Variants in AUH observed in about 807,000 individuals in gnomAD.
AUH encodes the protein methylglutaconyl-CoA hydratase, mitochondrial.
In AUH, 29 loss-of-function variants were observed where a neutral mutation model predicts 42.3. That is an observed-to-expected ratio of 0.69 (90% CI 0.51 to 0.93). The LOEUF (loss-of-function observed/expected upper bound fraction) is 0.93. AUH is among the 40% of genes least tolerant of loss of function. The pLI is 0.00. For missense variants in AUH, 452 were observed against 438.1 expected (o/e 1.03, Z -0.28); for synonymous variants, 174 against 166.4 (o/e 1.05, Z -0.35).
chr9:91,357,407 G>T, intron 1 of AUH: 1 of 766,586 alleles, frequency 1.3e-6, no homozygotes, highest in Non-Finnish European at 1.6e-6. Flanking sequence ...CACTGTTCAA[G>T]CTTCAGTTTC....
In AUH at chr9:91,354,198, C is replaced by T. The variant is rs369584763; in HGVS notation, c.418+1685G>A. Among the ~76,000 whole-genome samples, 23 of 151,998 alleles carry T rather than the reference C, an allele frequency of 1.5e-4. No individual in the cohort carries two copies. In the East Asian group the frequency reaches 3.1e-3, roughly 20 times the overall value. ...AAAAAAACAAGAAAGGAAAACCTTT[C>T]GGAGAAATCTGAAAGAACAGTTCCA... On this transcript the variant is annotated intron_variant, in intron 3 of 9. Transcript: ENST00000375731.
chr9:91,319,849 C>T (rs1829435113), intron 4 of AUH, among the ~76,000 whole-genome samples: 1 of 152,214 alleles, frequency 6.6e-6, no homozygotes, highest in Non-Finnish European at 1.5e-5. Context: ...AAAGGTCAAA[C>T]GGTGCGCCTG....
intron 4 of AUH, among the ~76,000 whole-genome samples, chr9:91,304,963 T>G (rs1449814536): frequency 6.6e-6 from 1 of 152,224 alleles, no homozygotes; most frequent in Non-Finnish European, 1.5e-5. Context: ...CAACTGCAGT[T>G]TGAAAATATT....
At chr9:91,253,147 A>G (rs1829226707) in intron 6 of AUH, among the ~76,000 whole-genome samples, 1 of 152,228 alleles carries the variant, frequency 6.6e-6, no homozygotes, top group African/African-American at 2.4e-5. Context: ...CCTAATAAAC[A>G]TTGCAACCTC....
chr9:91,317,609 T>C (rs1490535065), intron 4 of AUH, among the ~76,000 whole-genome samples: 3 of 151,672 alleles, frequency 2.0e-5, no homozygotes, highest in Admixed American at 2.0e-4. Flanking sequence ...AGAAGGACTC[T>C]GTTATTTCTT....
chr9:91,232,254 G>A (rs1244272679), intron 6 of AUH, among the ~76,000 whole-genome samples: 3 of 152,050 alleles, frequency 2.0e-5, no homozygotes, highest in Non-Finnish European at 4.4e-5. Context: ...GCCAGGCATC[G>A]CATGCTGACT....
At chr9:91,235,338 G>A (rs1743845754) in intron 6 of AUH, among the ~76,000 whole-genome samples, 2 of 152,132 alleles carry the variant, frequency 1.3e-5, no homozygotes, top group Non-Finnish European at 2.9e-5. Context: ...AGTGTTGTCT[G>A]AAATGCTAGT....
At chr9:91,230,198 C>G (rs926526241) in intron 6 of AUH, among the ~76,000 whole-genome samples, 6 of 152,210 alleles carry the variant, frequency 3.9e-5, no homozygotes, top group African/African-American at 1.4e-4. Flanking sequence ...GTACACCAAT[C>G]AGACGTAGAT....
intron 3 of AUH, among the ~76,000 whole-genome samples, chr9:91,333,846 CAACATT>C (rs1268667393): frequency 6.6e-6 from 1 of 152,128 alleles, no homozygotes; most frequent in Non-Finnish European, 1.5e-5. Context: ...CTGAAATTCT[CAACATT>C]AATATTTTAA....
chr9:91,218,276 T>C (rs56049491), intron 7 of AUH, among the ~76,000 whole-genome samples: 1 of 152,198 alleles, frequency 6.6e-6, no homozygotes, highest in Admixed American at 6.5e-5. Context: ...AAGGCCACAA[T>C]TTCCAAGGCT....
intron 3 of AUH, among the ~76,000 whole-genome samples, chr9:91,345,271 G>A (rs570642758): frequency 6.6e-6 from 1 of 152,046 alleles, no homozygotes; most frequent in Non-Finnish European, 1.5e-5. Context: ...ATTCACAAAT[G>A]ACTTGACTAC....
chr9:91,344,368 C>T (rs1208416242), intron 3 of AUH, among the ~76,000 whole-genome samples: 6 of 152,070 alleles, frequency 3.9e-5, no homozygotes, highest in Admixed American at 6.5e-5. Flanking sequence ...ACTGAACCAA[C>T]GTACATCTTA....
intron 6 of AUH, among the ~76,000 whole-genome samples, chr9:91,287,973 T>C (rs1371847940): frequency 5.3e-5 from 8 of 152,002 alleles, no homozygotes; most frequent in South Asian, 2.1e-4. Flanking sequence ...ATGGAAGGAA[T>C]AGATCTTTGT....
intron 4 of AUH, among the ~76,000 whole-genome samples, chr9:91,318,942 T>C (rs1220418360): frequency 6.6e-6 from 1 of 152,224 alleles, no homozygotes; most frequent in Non-Finnish European, 1.5e-5. Flanking sequence ...GGCTTCTTTC[T>C]ACAAGCGGCG....
chr9:91,288,219 G>T (rs1309965656), intron 6 of AUH, among the ~76,000 whole-genome samples: 1 of 152,016 alleles, frequency 6.6e-6, no homozygotes, highest in African/African-American at 2.4e-5. Context: ...CAAAGAGCGG[G>T]AATTAGAAAA....
intron 6 of AUH, among the ~76,000 whole-genome samples, chr9:91,292,830 T>G (rs140264571): frequency 6.9e-4 from 105 of 152,240 alleles, no homozygotes; most frequent in African/African-American, 2.4e-3. Context: ...TTTATTGTAC[T>G]TCACAGATAC....
chr9:91,242,582 C>T (rs1001081515), intron 6 of AUH, among the ~76,000 whole-genome samples: 1 of 152,196 alleles, frequency 6.6e-6, no homozygotes, highest in Non-Finnish European at 1.5e-5. Context: ...CAACCACAGT[C>T]AGAAGTGAAG....
At chr9:91,307,834 C>A (rs1019544602) in intron 4 of AUH, among the ~76,000 whole-genome samples, 1 of 151,984 alleles carries the variant, frequency 6.6e-6, no homozygotes, top group Non-Finnish European at 1.5e-5. Context: ...TGGAGTGCAT[C>A]CCCTAATAAT....
intron 1 of AUH, among the ~76,000 whole-genome samples, chr9:91,361,370 T>C (rs1289883855): frequency 1.3e-5 from 2 of 152,214 alleles, no homozygotes; most frequent in African/African-American, 2.4e-5. Flanking sequence ...GCTGCACTTC[T>C]GTTTGCCGCG....
Sources: allele counts gnomAD v4.1 joint callset (sites outside exome capture counted in the v4.1 genomes callset), GRCh38; gene constraint gnomAD v4.1.1; transcripts MANE v1.5; gene names NCBI Gene and HGNC (gene_info 2026-07-23, HGNC 2026-07-21).